Variants in AFAP1 observed in about 807,000 individuals in gnomAD.
AFAP1 encodes actin filament associated protein 1, also known as actin filament-associated protein 1.
AFAP1 carries 75 observed loss-of-function variants against 93.9 expected under a neutral mutation model. The observed-to-expected ratio is 0.80, with a 90% confidence interval of 0.66 to 0.97. The LOEUF is 0.97. Ranked by LOEUF, AFAP1 falls within the 50% of genes least tolerant of loss-of-function variation. The probability of loss-of-function intolerance (pLI) is 0.00; values close to 1 mark genes in which losing one functional copy is unlikely to be tolerated. For missense variants in AFAP1, 1,201 were observed against 1,050.8 expected (o/e 1.14, Z -1.98); for synonymous variants, 517 against 430.7 (o/e 1.20, Z -2.48).
At chr4:7,828,521 G>A (rs952902530) in intron 6 of AFAP1, among the ~76,000 whole-genome samples, 2 of 152,192 alleles carry the variant, frequency 1.3e-5, no homozygotes, top group African/African-American at 4.8e-5. Context: ...CTTGCCCCCA[G>A]AAACATCCTG....
At chr4:7,864,795 T>G (rs1716221105) in intron 3 of AFAP1, among the ~76,000 whole-genome samples, 1 of 152,222 alleles carries the variant, frequency 6.6e-6, no homozygotes, top group South Asian at 2.1e-4. Flanking sequence ...GATGATTCTC[T>G]GAGATGCTTT....
intron 1 of AFAP1, among the ~76,000 whole-genome samples, chr4:7,913,825 T>G (rs55844411): frequency 1.3e-5 from 2 of 152,156 alleles, no homozygotes; most frequent in East Asian, 1.9e-4. Context: ...AGGGTCTATA[T>G]CAAAAATATG....
At chr4:7,852,744 C>T (rs1040163962) in intron 4 of AFAP1, among the ~76,000 whole-genome samples, 10 of 152,224 alleles carry the variant, frequency 6.6e-5, no homozygotes, top group African/African-American at 2.2e-4. Context: ...GGAGACGGAA[C>T]CTGTTACAGG....
At chr4:7,858,258 C>G (rs969863578) in intron 3 of AFAP1, among the ~76,000 whole-genome samples, 5 of 152,230 alleles carry the variant, frequency 3.3e-5, no homozygotes, top group African/African-American at 9.6e-5. Flanking sequence ...CAAAAGTGTT[C>G]ATAGCGGTTG....
At chr4:7,818,888 C>T (rs901844327) in intron 7 of AFAP1, among the ~76,000 whole-genome samples, 188 bp downstream of exon 7, 1 of 152,230 alleles carries the variant, frequency 6.6e-6, no homozygotes, top group African/African-American at 2.4e-5. Context: ...ACACTAACTA[C>T]ACAGTCTGTA....
chr4:7,927,455 G>C (rs1174024192), intron 1 of AFAP1, among the ~76,000 whole-genome samples: 1 of 152,172 alleles, frequency 6.6e-6, no homozygotes, highest in Non-Finnish European at 1.5e-5. Flanking sequence ...TGCATATAAG[G>C]CATTCAGAAC....
intron 1 of AFAP1, among the ~76,000 whole-genome samples, chr4:7,918,812 G>C (rs996431483): frequency 7.5e-6 from 1 of 132,634 alleles, no homozygotes; most frequent in African/African-American, 3.1e-5. Context: ...TGTTGGAAGA[G>C]ACACTCGGCC....
intron 4 of AFAP1, among the ~76,000 whole-genome samples, chr4:7,849,840 G>C (rs1052449733): frequency 5.9e-5 from 9 of 152,104 alleles, no homozygotes; most frequent in Non-Finnish European, 1.0e-4. Context: ...AAATACAAGA[G>C]CTACAAAATA....
chr4:7,827,779 G>T (rs754421082), intron 6 of AFAP1, among the ~76,000 whole-genome samples: 2 of 151,906 alleles, frequency 1.3e-5, no homozygotes, highest in Admixed American at 6.6e-5. Flanking sequence ...AATCTTAAGA[G>T]GAGGAAGGCG....
intron 4 of AFAP1, among the ~76,000 whole-genome samples, chr4:7,852,324 G>T (rs921964777): frequency 1.3e-5 from 2 of 152,174 alleles, no homozygotes; most frequent in Admixed American, 6.5e-5. Context: ...CTAAGGGCAA[G>T]ATATGGCAAT....
chr4:7,909,678 C>A (rs1360131251), intron 1 of AFAP1, among the ~76,000 whole-genome samples: 1 of 152,174 alleles, frequency 6.6e-6, no homozygotes, highest in Non-Finnish European at 1.5e-5. Flanking sequence ...AAGCATAAGG[C>A]ATGTGTATGA....
intron 3 of AFAP1, among the ~76,000 whole-genome samples, chr4:7,867,319 C>T (rs1170836652): frequency 6.6e-6 from 1 of 152,180 alleles, no homozygotes; most frequent in Non-Finnish European, 1.5e-5. Flanking sequence ...GATATATTTG[C>T]TCTTTCCATC....
chr4:7,861,852 A>T (rs1461711912), intron 3 of AFAP1: 1 of 152,234 alleles, frequency 6.6e-6, no homozygotes, highest in Non-Finnish European at 1.5e-5. Context: ...AAAATGAATG[A>T]TTTTCTTGTT....
chr4:7,809,895 T>G lies in AFAP1; in HGVS notation c.905-132A>C, dbSNP rs535468481. On this transcript the variant is annotated intron_variant, in intron 8 of 17. Coordinates refer to ENST00000420658, the MANE Select transcript of AFAP1 (RefSeq NM_001134647.2). ...TTTTATTAAAGACAGGGTCTCACTCTGTCCCCTGGCTGGAGTGCAGTGTTG... is the reference window on the plus strand; with the variant it reads ...TTTTATTAAAGACAGGGTCTCACTCGGTCCCCTGGCTGGAGTGCAGTGTTG... The G allele has an allele frequency of 2.8e-6, 3 of 1,058,646 alleles. No individual in the cohort carries two copies. The East Asian group carries it at 8.0e-5, about 28-fold the overall frequency. The allele number at this position is 1,058,646 out of a possible 1,614,324, so 65.6% of individuals were successfully genotyped here.
chr4:7,914,058 CT>C lies in AFAP1; in HGVS notation c.-3+25597del, dbSNP rs748005244. Reference sequence around the variant, plus strand: ...CTTCAAGTATCTGGAACTATATATTCTTTTTTTTTTTTTTGAGACAAAGTCA... The same window carrying C: ...CTTCAAGTATCTGGAACTATATATTCTTTTTTTTTTTTTGAGACAAAGTCA... On this transcript the variant is annotated intron_variant, in intron 1 of 17. Transcript: ENST00000420658. Among the ~76,000 whole-genome samples, 616 of 144,434 alleles carry C rather than the reference CT, an allele frequency of 4.3e-3. 1 individual carries two copies. The highest frequency in any genetic ancestry group is 4.7e-3 in the Non-Finnish European group (311 of 65,538). The allele number at this position is 144,434 out of a possible 152,430, so 94.8% of individuals were successfully genotyped here. A position where few individuals can be genotyped will look rare whatever the true frequency, so the allele number is the denominator to read the frequency against.
Position 7,855,458 on chromosome 4 carries a change from C to A in AFAP1, c.334+8G>T. On this transcript the variant is annotated splice_region_variant and intron_variant, in intron 4 of 17. Transcript: ENST00000420658. ...AGGCAGCATGGCTGGGCAGGGCTGG[C>A]CACTCACTTGATGTGATGTATTCCG... is the stretch of plus-strand genomic sequence containing the variant. 1 of 1,583,292 alleles carries A rather than the reference C, an allele frequency of 6.3e-7. No individual in the cohort carries two copies. Among genetic ancestry groups the A allele is most frequent in the South Asian group, 1.1e-5 (1 of 87,528 alleles).
In AFAP1 at chr4:7,779,200, A is replaced by G. The variant is rs2269874; in HGVS notation, c.1783-324T>C. The G allele has an allele frequency of 3.7e-4, 103 of 281,806 alleles. No homozygotes were observed. The East Asian group carries it at 9.0e-3, about 24-fold the overall frequency. 17.5% of individuals were successfully genotyped at this position (281,806 alleles called of 1,614,324 possible). On this transcript the variant is annotated intron_variant, in intron 13 of 17. Transcript: ENST00000420658. Reference sequence around the variant, plus strand: ...CAGCTGACTACCCCAGAGCACTCAGATGAGAGGAGTAGTTTGTGTTTCTGA... The same window carrying G: ...CAGCTGACTACCCCAGAGCACTCAGGTGAGAGGAGTAGTTTGTGTTTCTGA...
At chr4:7,840,725 TCA>T (rs1712910236) in intron 5 of AFAP1, among the ~76,000 whole-genome samples, 1 of 152,148 alleles carries the variant, frequency 6.6e-6, no homozygotes, top group African/African-American at 2.4e-5. Flanking sequence ...TCAACTAACC[TCA>T]GATTTTTATG....
intron 1 of AFAP1, among the ~76,000 whole-genome samples, chr4:7,919,098 G>A (rs1720291718): frequency 6.6e-6 from 1 of 152,076 alleles, no homozygotes; most frequent in African/African-American, 2.4e-5. Context: ...TGCCAGATGA[G>A]ACACTAGGCC....
Sources: gnomAD v4.1 joint callset for allele counts (sites outside exome capture counted in the v4.1 genomes callset) on GRCh38, gnomAD v4.1.1 for gene constraint, MANE v1.5 for transcripts, NCBI Gene and HGNC (gene_info 2026-07-23, HGNC 2026-07-21) for gene names.